The following STK33 variants were observed in gnomAD, a reference collection of about 807,000 sequenced individuals.
STK33 encodes the protein serine/threonine-protein kinase 33.
Under a neutral mutation model 58.0 loss-of-function variants are expected in STK33, and 52 were observed. The observed-to-expected ratio is 0.90, with a 90% CI of 0.72 to 1.13. The LOEUF (loss-of-function observed/expected upper bound fraction) is 1.13, where lower values mean the gene tolerates loss of function less well. STK33 is among the 50% of genes most tolerant of loss of function. The pLI, the probability that STK33 is intolerant of heterozygous loss-of-function variation, is 0.00. For synonymous variants in STK33, 215 were observed against 200.1 expected (o/e 1.07, Z -0.63); for missense variants, 630 against 604.2 (o/e 1.04, Z -0.45).
chr11:8,483,174 C>T (rs1949957603), intron 1 of STK33, among the ~76,000 whole-genome samples: 1 of 151,932 alleles, frequency 6.6e-6, no homozygotes, highest in Non-Finnish European at 1.5e-5. Flanking sequence ...GAAGGTAATA[C>T]TCAAACTAAG....
intron 14 of STK33, among the ~76,000 whole-genome samples, chr11:8,416,719 T>C (rs141062070): frequency 6.6e-6 from 1 of 152,296 alleles, no homozygotes; most frequent in African/African-American, 2.4e-5. Context: ...GCCTTAGTAC[T>C]TGAAGAAATG....
chr11:8,341,573 T>G, the STK33 span, among the ~76,000 whole-genome samples: 1 of 152,208 alleles, frequency 6.6e-6, no homozygotes. Flanking sequence ...TACTCCTACC[T>G]AGAAACAAGC....
intron 14 of STK33, among the ~76,000 whole-genome samples, chr11:8,430,672 C>T (rs937859292): frequency 3.9e-5 from 6 of 152,038 alleles, no homozygotes; most frequent in African/African-American, 9.7e-5. Context: ...ATTCTCTACC[C>T]GTGTTTTTGT....
At chr11:8,593,646 C>T in intron 1 of STK33, 1 of 152,196 alleles carries the variant, frequency 6.6e-6, no homozygotes, top group East Asian at 1.9e-4. Context: ...AACAGGAAAC[C>T]TACCATATAA....
In STK33 at chr11:8,518,201, A is replaced by C. The variant is rs546041548; in HGVS notation, c.-465-37587T>G. On this transcript the variant is annotated intron_variant, in intron 1 of 15. Transcript: ENST00000687296. ...GGGCAAATATTCAACATTCTTAAAG[A>C]AAAGAATTTTCAACCCAGAATTTCA... 1.7e-4 allele frequency among the ~76,000 whole-genome samples: 26 copies of C among 152,330 alleles called. No individual in the cohort carries two copies. The South Asian group carries it at 5.2e-3, about 30-fold the overall frequency.
intron 6 of STK33, among the ~76,000 whole-genome samples, chr11:8,470,624 T>C (rs188967702): frequency 5.9e-5 from 9 of 152,346 alleles, no homozygotes; most frequent in African/African-American, 2.2e-4. Flanking sequence ...CTTAATCATT[T>C]CTGGCTTTCG....
At chr11:8,414,589 C>A (rs1255906927) in intron 14 of STK33, among the ~76,000 whole-genome samples, 1 of 152,022 alleles carries the variant, frequency 6.6e-6, no homozygotes, top group Non-Finnish European at 1.5e-5. Context: ...TTAGGGGTAC[C>A]CATCTGAATA....
At chr11:8,339,510 C>G in the STK33 span, among the ~76,000 whole-genome samples, 1 of 152,228 alleles carries the variant, frequency 6.6e-6, no homozygotes, top group African/African-American at 2.4e-5. Context: ...GTTCCTGACC[C>G]GTGTGAAGCC....
chr11:8,400,341 G>C (rs1161519485), intron 15 of STK33, among the ~76,000 whole-genome samples: 4 of 152,080 alleles, frequency 2.6e-5, no homozygotes, highest in Admixed American at 2.0e-4. Context: ...ACGTAATCCA[G>C]CATATAAACA....
intron 1 of STK33, among the ~76,000 whole-genome samples, chr11:8,569,898 G>A (rs971149755): frequency 5.9e-5 from 9 of 152,066 alleles, no homozygotes; most frequent in Non-Finnish European, 1.0e-4. Flanking sequence ...ACAGTGAGCC[G>A]TAATTGTGCC....
chr11:8,372,928 CTCA>C, the STK33 span, among the ~76,000 whole-genome samples: 1 of 152,344 alleles, frequency 6.6e-6, no homozygotes, highest in East Asian at 1.9e-4. Flanking sequence ...CCAGGCAGGG[CTCA>C]TCAAGACCCT....
intron 11 of STK33, among the ~76,000 whole-genome samples, chr11:8,442,449 G>T (rs1423568509): frequency 5.3e-5 from 8 of 152,080 alleles, no homozygotes; most frequent in African/African-American, 1.9e-4. Flanking sequence ...TAATTATCAG[G>T]GGCATTTCGA....
the STK33 span, among the ~76,000 whole-genome samples, chr11:8,379,674 G>C: frequency 1.6e-4 from 25 of 152,226 alleles, no homozygotes; most frequent in East Asian, 4.4e-3. Context: ...TTGTGATATA[G>C]GTAAACTTGT....
At chr11:8,370,603 C>T in the STK33 span, among the ~76,000 whole-genome samples, 2 of 152,200 alleles carry the variant, frequency 1.3e-5, no homozygotes, top group Admixed American at 6.5e-5. Context: ...CCTGAGGCTA[C>T]AGATACGGGG....
intron 1 of STK33, among the ~76,000 whole-genome samples, chr11:8,559,971 CCT>C (rs1332748095): frequency 6.6e-6 from 1 of 151,958 alleles, no homozygotes; most frequent in Non-Finnish European, 1.5e-5. Context: ...TATATTTACA[CCT>C]CTTTTGTTTT....
chr11:8,491,006 A>C (rs1052737614), intron 1 of STK33, among the ~76,000 whole-genome samples: 1 of 152,218 alleles, frequency 6.6e-6, no homozygotes, highest in Non-Finnish European at 1.5e-5. Context: ...AGAAAAGCTG[A>C]AAATTCTAAA....
At chr11:8,549,394 C>G (rs1230536224) in intron 1 of STK33, among the ~76,000 whole-genome samples, 2 of 151,352 alleles carry the variant, frequency 1.3e-5, no homozygotes, top group Non-Finnish European at 2.9e-5. Context: ...TTGAAGATTT[C>G]TGCATCTATG....
chr11:8,438,501 A>G (rs1179368054), intron 12 of STK33, among the ~76,000 whole-genome samples: 1 of 152,200 alleles, frequency 6.6e-6, no homozygotes, highest in Non-Finnish European at 1.5e-5. Context: ...TTGATTAAGG[A>G]AATTATAACA....
rs762770606 is a variant in STK33 at position 8,460,756 on chromosome 11, C to T, written c.558+1049G>A. Among the ~76,000 whole-genome samples the T allele has an allele frequency of 1.6e-4, 25 of 151,844 alleles. 1 individual carries two copies. The Middle Eastern group carries it at 0.024, about 145-fold the overall frequency. ...TCAAATGGCTTAAAGCTGATGATAA[C>T]GAACAAAACTATTCTAAGAAGATTT... On this transcript the variant is annotated intron_variant, in intron 8 of 15. Coordinates refer to ENST00000687296, the MANE Select transcript of STK33 (RefSeq NM_001352389.2).
Sources: gnomAD v4.1 joint callset for allele counts (sites outside exome capture counted in the v4.1 genomes callset) on GRCh38, gnomAD v4.1.1 for gene constraint, MANE v1.5 for transcripts, NCBI Gene and HGNC (gene_info 2026-07-23, HGNC 2026-07-21) for gene names.